EPM2A: variants seen among roughly 807,000 people sequenced by gnomAD.
The protein encoded by EPM2A is laforin.
A neutral mutation model predicts 26.5 loss-of-function variants in EPM2A; 21 were observed. The ratio of observed to expected loss-of-function variants is 0.79; its 90% CI spans 0.56 to 1.14. EPM2A has a LOEUF of 1.14. EPM2A is among the 50% of genes most tolerant of loss of function. The pLI is 0.00. For missense variants in EPM2A, 458 were observed against 440.8 expected (o/e 1.04, Z -0.35); for synonymous variants, 217 against 177.6 (o/e 1.22, Z -1.76).
intron 2 of EPM2A, among the ~76,000 whole-genome samples, chr6:145,535,790 A>C (rs1192575412): frequency 6.6e-6 from 1 of 152,180 alleles, no homozygotes; most frequent in African/African-American, 2.4e-5. Context: ...TTATAGTTTC[A>C]ATTGGTGTTT....
chr6:145,491,620 C>T (rs151245054), intron 4 of EPM2A: 99 of 359,420 alleles, frequency 2.8e-4, no homozygotes, highest in African/African-American at 1.6e-3. Flanking sequence ...TTGGAAATGA[C>T]ATTCGAGTGG....
intron 4 of EPM2A, among the ~76,000 whole-genome samples, chr6:145,401,173 GA>G (rs949443571): frequency 4.0e-4 from 60 of 150,834 alleles, no homozygotes; most frequent in African/African-American, 1.3e-3. Context: ...CGGGTAGGGG[GA>G]AAAAAACACC....
intron 2 of EPM2A, among the ~76,000 whole-genome samples, chr6:145,672,438 G>A (rs1779715389): frequency 6.6e-6 from 1 of 152,192 alleles, no homozygotes; most frequent in Non-Finnish European, 1.5e-5. Flanking sequence ...CCTAATGCCA[G>A]CAGTAGGGAA....
chr6:145,572,421 G>A (rs932506387), intron 2 of EPM2A, among the ~76,000 whole-genome samples: 2 of 152,170 alleles, frequency 1.3e-5, no homozygotes, highest in Admixed American at 6.5e-5. Context: ...GCTCAAGCCT[G>A]ATCACATATA....
At chr6:145,541,258 T>G (rs1410996952) in intron 2 of EPM2A, among the ~76,000 whole-genome samples, 2 of 150,812 alleles carry the variant, frequency 1.3e-5, no homozygotes, top group Non-Finnish European at 3.0e-5. Context: ...CATACATATA[T>G]AATTATATAT....
chr6:145,550,430 C>T (rs1188359901), intron 2 of EPM2A, among the ~76,000 whole-genome samples: 2 of 151,972 alleles, frequency 1.3e-5, no homozygotes, highest in African/African-American at 4.8e-5. Context: ...CATGTGATAT[C>T]CCTGTGCACA....
At chr6:145,572,324 G>C (rs1188961522) in intron 2 of EPM2A, among the ~76,000 whole-genome samples, 1 of 152,178 alleles carries the variant, frequency 6.6e-6, no homozygotes, top group African/African-American at 2.4e-5. Flanking sequence ...ATTGGTGCAG[G>C]CTGGGAGAGA....
chr6:145,496,054 T>G (rs1245340951), intron 4 of EPM2A, among the ~76,000 whole-genome samples: 1 of 152,238 alleles, frequency 6.6e-6, no homozygotes, highest in Non-Finnish European at 1.5e-5. Context: ...TCTTCTTTAC[T>G]TTTGAAGCTT....
chr6:145,555,922 G>T (rs946902760), intron 2 of EPM2A, among the ~76,000 whole-genome samples: 2 of 152,088 alleles, frequency 1.3e-5, no homozygotes, highest in Non-Finnish European at 2.9e-5. Context: ...ACCTAACAAA[G>T]ACACAGCCTA....
At chr6:145,526,253 T>C (rs1247545020) in intron 2 of EPM2A, among the ~76,000 whole-genome samples, 1 of 152,092 alleles carries the variant, frequency 6.6e-6, no homozygotes, top group Admixed American at 6.6e-5. Flanking sequence ...CTGTTTTCTT[T>C]TCCCTGGGTC....
At chr6:145,705,233 G>A (rs957834340) in intron 1 of EPM2A, among the ~76,000 whole-genome samples, 3 of 152,122 alleles carry the variant, frequency 2.0e-5, no homozygotes, top group African/African-American at 7.2e-5. Flanking sequence ...TGGATGGCTT[G>A]AGCCCAGGAG....
rs183804508 is a variant in EPM2A at position 145,593,781 on chromosome 6, T to G, written c.340+41464A>C. Among the ~76,000 whole-genome samples the G allele has an allele frequency of 9.9e-4, 151 of 152,022 alleles. 1 individual carries two copies. The Middle Eastern group carries it at 0.014, about 14-fold the overall frequency. On this transcript the variant is annotated intron_variant, in intron 2 of 3. Transcript: ENST00000450221. ...TCAAAAGCAGTGCTTAGATGAAAAT[T>G]TTTAGCATCATTAAATGCATATTAT...
chr6:145,581,644 T>C (rs2114836775), intron 2 of EPM2A, among the ~76,000 whole-genome samples: 1 of 152,362 alleles, frequency 6.6e-6, no homozygotes, highest in East Asian at 1.9e-4. Flanking sequence ...CATTTAAATC[T>C]TTAATCCATC....
intron 4 of EPM2A, among the ~76,000 whole-genome samples, chr6:145,471,197 A>G (rs1779468584): frequency 6.6e-6 from 1 of 152,186 alleles, no homozygotes; most frequent in Non-Finnish European, 1.5e-5. Context: ...AAATGTTTGA[A>G]TCTATTGATT....
chr6:145,439,360 G>A (rs945400519), intron 4 of EPM2A, among the ~76,000 whole-genome samples: 2 of 152,112 alleles, frequency 1.3e-5, no homozygotes, highest in African/African-American at 4.8e-5. Context: ...TGGTAATTCT[G>A]CTTTTAGTTC....
intron 1 of EPM2A, among the ~76,000 whole-genome samples, chr6:145,724,999 T>C (rs1341433241): frequency 6.6e-6 from 1 of 152,010 alleles, no homozygotes; most frequent in Non-Finnish European, 1.5e-5. Flanking sequence ...ATTTTATTAA[T>C]AGTTTTGTTT....
chr6:145,676,366 C>T (rs763639955), intron 2 of EPM2A, among the ~76,000 whole-genome samples: 18 of 152,118 alleles, frequency 1.2e-4, no homozygotes, highest in Non-Finnish European at 2.1e-4. Context: ...ATTAAAAGAA[C>T]TGTAGAAGCA....
chr6:145,716,819 A>C (rs1351643163), intron 1 of EPM2A, among the ~76,000 whole-genome samples: 1 of 152,142 alleles, frequency 6.6e-6, no homozygotes, highest in Non-Finnish European at 1.5e-5. Flanking sequence ...TCTCCCTCAC[A>C]TGGAGGATAG....
chr6:145,428,075 G>GTTTTTTTTTTTTT (rs11343322), intron 4 of EPM2A, among the ~76,000 whole-genome samples: 3 of 97,522 alleles, frequency 3.1e-5, no homozygotes, highest in Non-Finnish European at 6.2e-5. Flanking sequence ...TGTGTTGATA[G>GTTTTTTTTTTTTT]TTTTTTTTTT....
Sources: gnomAD v4.1 joint callset for allele counts (sites outside exome capture counted in the v4.1 genomes callset) on GRCh38, gnomAD v4.1.1 for gene constraint, MANE v1.5 for transcripts, NCBI Gene and HGNC (gene_info 2026-07-23, HGNC 2026-07-21) for gene names.